Variants in SMYD3 observed in about 807,000 individuals in gnomAD.
SMYD3 encodes the protein histone-lysine N-methyltransferase SMYD3.
In SMYD3, 36 loss-of-function variants were observed where a neutral mutation model predicts 57.7. The ratio of observed to expected loss-of-function variants is 0.62; its 90% CI spans 0.48 to 0.82. The LOEUF (loss-of-function observed/expected upper bound fraction) is 0.82, where lower values mean the gene tolerates loss of function less well. SMYD3 is among the 40% of genes least tolerant of loss of function. The probability of loss-of-function intolerance (pLI) is 0.00; values close to 1 mark genes in which losing one functional copy is unlikely to be tolerated. For synonymous variants in SMYD3, 211 were observed against 195.0 expected, an observed-to-expected ratio of 1.08 and a Z score of -0.68; for missense variants, 515 against 538.8, an observed-to-expected ratio of 0.96 and a Z score of 0.44.
chr1:246,415,006 C>T (rs555732902), intron 1 of SMYD3, among the ~76,000 whole-genome samples: 12 of 152,206 alleles, frequency 7.9e-5, no homozygotes, highest in South Asian at 2.1e-4. Flanking sequence ...TGTGAGCCAC[C>T]GCGCCCGGCT....
At chr1:245,758,232 G>A (rs757487834) in intron 11 of SMYD3, among the ~76,000 whole-genome samples, 1 of 152,032 alleles carries the variant, frequency 6.6e-6, no homozygotes, top group Non-Finnish European at 1.5e-5. Flanking sequence ...TTTGTGTGTT[G>A]ATCTGTATCC....
At chr1:246,410,098 C>A (rs980184839) in intron 1 of SMYD3, among the ~76,000 whole-genome samples, 3 of 152,176 alleles carry the variant, frequency 2.0e-5, no homozygotes, top group African/African-American at 7.2e-5. Context: ...TCTAGATATA[C>A]AATCATGTCA....
At chr1:245,872,248 T>A (rs961855318) in intron 8 of SMYD3, among the ~76,000 whole-genome samples, 3 of 152,210 alleles carry the variant, frequency 2.0e-5, no homozygotes, top group African/African-American at 7.2e-5. Context: ...AATTGTGGGA[T>A]CTCAGTGCCT....
chr1:245,857,986 C>A (rs992940771), intron 10 of SMYD3, among the ~76,000 whole-genome samples: 11 of 152,298 alleles, frequency 7.2e-5, no homozygotes, highest in South Asian at 6.2e-4. Flanking sequence ...TCCCTGCTGT[C>A]CTCCCTGGCT....
At chr1:245,972,491 A>T (rs2058326244) in intron 5 of SMYD3, among the ~76,000 whole-genome samples, 3 of 152,266 alleles carry the variant, frequency 2.0e-5, no homozygotes, top group Non-Finnish European at 4.4e-5. Flanking sequence ...CTAATTCATC[A>T]TCTGGAAAGT....
chr1:246,116,452 C>T (rs1407252381), intron 5 of SMYD3, among the ~76,000 whole-genome samples: 3 of 152,212 alleles, frequency 2.0e-5, no homozygotes, highest in Admixed American at 1.3e-4. Context: ...TGTATCTTCA[C>T]TGGCTCTCCT....
chr1:245,971,447 A>C (rs200631726), intron 5 of SMYD3, among the ~76,000 whole-genome samples: 5 of 48 alleles, frequency 0.1, no homozygotes, highest in Non-Finnish European at 0.2. Flanking sequence ...AAGTATAATT[A>C]AAAAAAAAAA....
At chr1:246,065,934 A>T (rs575627957) in intron 5 of SMYD3, among the ~76,000 whole-genome samples, 1 of 152,180 alleles carries the variant, frequency 6.6e-6, no homozygotes, top group South Asian at 2.1e-4. Context: ...CTTTAATCCA[A>T]ATTTTCATTT....
chr1:246,261,493 C>G lies in SMYD3; in HGVS notation c.531+65708G>C, dbSNP rs1334920830. Among the ~76,000 whole-genome samples the G allele has an allele frequency of 2.0e-5, 3 of 151,426 alleles. No homozygotes were observed. The South Asian group carries it at 6.2e-4, about 31-fold the overall frequency. ...ATTATATTTACATATTGAATGTTTT[C>G]AATGACAATAAATATAGGAAGGTCA... On this transcript the variant is annotated intron_variant, in intron 5 of 11. Transcript: ENST00000490107.
chr1:245,994,998 G>A (rs1301588727), intron 5 of SMYD3, among the ~76,000 whole-genome samples: 4 of 152,032 alleles, frequency 2.6e-5, no homozygotes, highest in East Asian at 1.9e-4. Context: ...GGTGGCATGC[G>A]CCTGTAGTCC....
chr1:245,816,007 T>C (rs2048783175), intron 10 of SMYD3, among the ~76,000 whole-genome samples: 1 of 152,168 alleles, frequency 6.6e-6, no homozygotes, highest in African/African-American at 2.4e-5. Context: ...CATGCCATTC[T>C]TTCAAAAGAA....
At chr1:245,900,020 C>A (rs1158682646) in intron 8 of SMYD3, among the ~76,000 whole-genome samples, 1 of 152,160 alleles carries the variant, frequency 6.6e-6, no homozygotes, top group Non-Finnish European at 1.5e-5. Flanking sequence ...AACTGCAGAT[C>A]TTGAGACTTC....
chr1:245,842,725 T>C (rs1177507752), intron 10 of SMYD3, among the ~76,000 whole-genome samples: 1 of 152,200 alleles, frequency 6.6e-6, no homozygotes, highest in African/African-American at 2.4e-5. Flanking sequence ...TACTTTTTTT[T>C]AGAGATGGGG....
intron 8 of SMYD3, among the ~76,000 whole-genome samples, chr1:245,909,204 G>C (rs1248751789): frequency 6.6e-6 from 1 of 152,100 alleles, no homozygotes; most frequent in Non-Finnish European, 1.5e-5. Context: ...GGAAAACCTA[G>C]AAGAAATGGA....
intron 5 of SMYD3, among the ~76,000 whole-genome samples, chr1:246,287,244 A>G (rs1431929451): frequency 2.0e-5 from 3 of 152,352 alleles, no homozygotes; most frequent in Admixed American, 1.3e-4. Flanking sequence ...AACATTAGTG[A>G]AAGTCCAGAG....
intron 5 of SMYD3, among the ~76,000 whole-genome samples, chr1:246,259,408 T>C (rs1311075323): frequency 2.0e-5 from 3 of 152,200 alleles, no homozygotes; most frequent in African/African-American, 7.2e-5. Flanking sequence ...ATAATGTTAC[T>C]GGGTTTTTTT....
intron 1 of SMYD3, among the ~76,000 whole-genome samples, chr1:246,502,337 G>A (rs944343876): frequency 4.0e-5 from 6 of 151,884 alleles, no homozygotes; most frequent in East Asian, 1.9e-4. Context: ...TTGCCATGTC[G>A]CACAGGCTCA....
chr1:245,759,591 A>C (rs1160806153), intron 11 of SMYD3, among the ~76,000 whole-genome samples: 1 of 152,244 alleles, frequency 6.6e-6, no homozygotes, highest in East Asian at 1.9e-4. Context: ...TAAATCAGCC[A>C]TTGCTGGGGC....
chr1:246,097,545 T>A (rs1216269019), intron 5 of SMYD3, among the ~76,000 whole-genome samples: 13 of 152,158 alleles, frequency 8.5e-5, no homozygotes, highest in Non-Finnish European at 2.9e-5. Flanking sequence ...AAAAGCTCTG[T>A]AGTACTCCAG....
Sources: allele counts gnomAD v4.1 joint callset (sites outside exome capture counted in the v4.1 genomes callset), GRCh38; gene constraint gnomAD v4.1.1; transcripts MANE v1.5; gene names NCBI Gene and HGNC (gene_info 2026-07-23, HGNC 2026-07-21).